STK40: variants seen among roughly 807,000 people sequenced by gnomAD.
The protein encoded by STK40 is serine/threonine kinase 40, also known as serine/threonine-protein kinase 40.
In STK40, 13 loss-of-function variants were observed where a neutral mutation model predicts 47.9. The ratio of observed to expected loss-of-function variants is 0.27; its 90% CI spans 0.18 to 0.43. The LOEUF (loss-of-function observed/expected upper bound fraction) is 0.43, where lower values mean the gene tolerates loss of function less well. Ranked by LOEUF, STK40 falls within the 20% of genes least tolerant of loss-of-function variation. STK40 has a pLI of 1.00. For missense variants in STK40, 460 were observed against 595.1 expected, an observed-to-expected ratio of 0.77 and a Z score of 2.36; for synonymous variants, 225 against 243.2, an observed-to-expected ratio of 0.93 and a Z score of 0.69.
intron 1 of STK40, among the ~76,000 whole-genome samples, chr1:36,379,911 T>C (rs1289047457): frequency 6.6e-6 from 1 of 152,228 alleles, no homozygotes; most frequent in African/African-American, 2.4e-5. Context: ...CAAAATCATA[T>C]GTATGAAGAA....
chr1:36,342,196 C>T (rs1308766531), intron 10 of STK40: 4 of 571,584 alleles, frequency 7.0e-6, no homozygotes, highest in Non-Finnish European at 9.5e-6. Flanking sequence ...CCTGCGGACC[C>T]GGGACTGACG....
chr1:36,358,771 C>T lies in STK40; in HGVS notation c.164G>A (p.Arg55Lys). The T allele has an allele frequency of 6.2e-7, 1 of 1,614,164 alleles. No homozygotes were observed. The highest frequency in any genetic ancestry group is 2.2e-5 in the East Asian group (1 of 44,882). ...PVPSIVQCLA[R>K]KDGTDDFYQL... ...ATAGAAGTCATCCGTGCCATCTTTC[C>T]TCGCCAAACACTGCACTATGCTTGG... Residue 55 changes from arginine (R) to lysine (K), a missense_variant, in exon 3 of 11, where the codon AGG (arginine) becomes AAG (lysine). By Grantham distance (26) the Arg-to-Lys change is conservative (BLOSUM62 2). Around this residue, in one of 3 missense-constraint regions of STK40, gnomAD observed 277 missense variants for 358.7 expected, o/e 0.77. Transcript: ENST00000373132.
At chr1:36,375,452 A>T (rs1646983489) in intron 1 of STK40, among the ~76,000 whole-genome samples, 1 of 151,162 alleles carries the variant, frequency 6.6e-6, no homozygotes, top group Non-Finnish European at 1.5e-5. Flanking sequence ...GGCTGCAGTG[A>T]GCCGAGATCA....
chr1:36,356,796 C>T (rs1646810320), intron 4 of STK40, among the ~76,000 whole-genome samples: 1 of 152,162 alleles, frequency 6.6e-6, no homozygotes, highest in African/African-American at 2.4e-5. Flanking sequence ...GGCACACAAA[C>T]AGTACACTAG....
intron 1 of STK40, among the ~76,000 whole-genome samples, chr1:36,378,290 C>T (rs1647009007): frequency 6.6e-6 from 1 of 152,184 alleles, no homozygotes; most frequent in African/African-American, 2.4e-5. Flanking sequence ...TAGAGTCACA[C>T]AAATGTGAGT....
Position 36,343,812 on chromosome 1 carries a change from G to A in STK40, c.1004+48C>T, listed in dbSNP as rs767623935. The A allele has an allele frequency of 4.6e-6, 7 of 1,530,000 alleles. No homozygotes were observed. In the Admixed American group the frequency reaches 8.4e-5, roughly 18 times the overall value. 94.8% of individuals were successfully genotyped at this position (1,530,000 alleles called of 1,614,324 possible). ...TGCTTTTCTGGGTAGGATGGGCAGA[G>A]GCCCTGAGGACGCAGCCTTGTGCCC... On this transcript the variant is annotated intron_variant, in intron 9 of 10. Coordinates refer to ENST00000373132, the MANE Select transcript of STK40 (RefSeq NM_001282547.2).
chr1:36,346,715 C>T (rs1035459742), intron 7 of STK40, among the ~76,000 whole-genome samples: 1 of 152,184 alleles, frequency 6.6e-6, no homozygotes, highest in Admixed American at 6.5e-5. Flanking sequence ...AAGACTGGCA[C>T]GAGTCTGGAA....
intron 1 of STK40, among the ~76,000 whole-genome samples, chr1:36,380,490 GAGA>G (rs750331044): frequency 1.1e-4 from 16 of 152,146 alleles, no homozygotes; most frequent in Admixed American, 7.2e-4. Flanking sequence ...AGTCCTTCCT[GAGA>G]AGAAGGACTG....
At chr1:36,361,096 G>C (rs1646848102) in intron 2 of STK40, 125 bp downstream of exon 2, 7 of 1,099,138 alleles carry the variant, frequency 6.4e-6, no homozygotes, top group Non-Finnish European at 9.3e-6. Context: ...CTGGGGCAGG[G>C]CAGGACCACA....
intron 1 of STK40, among the ~76,000 whole-genome samples, chr1:36,384,563 C>T (rs1362576000): frequency 6.6e-6 from 1 of 152,184 alleles, no homozygotes; most frequent in Non-Finnish European, 1.5e-5. Flanking sequence ...AAGCAATGTG[C>T]CCAGGTACAC....
intron 8 of STK40, 23 bp downstream of exon 8, chr1:36,344,094 CCCA>C: frequency 6.3e-7 from 1 of 1,585,806 alleles, no homozygotes; most frequent in Non-Finnish European, 8.6e-7. Flanking sequence ...GGCTGCCCCC[CCCA>C]CCCCCCGGGA....
rs1218249699 is a variant in STK40 at position 36,361,126 on chromosome 1, C to T, written c.112+95G>A. 5 of 1,476,776 alleles carry T rather than the reference C, an allele frequency of 3.4e-6. No individual in the cohort carries two copies. The African/African-American group carries it at 6.9e-5, about 20-fold the overall frequency. 91.5% of individuals were successfully genotyped at this position (1,476,776 alleles called of 1,614,324 possible). A position where few individuals can be genotyped will look rare whatever the true frequency, so the allele number is the denominator to read the frequency against. ...ACCACACACTGCTGTGGGTGGGCCA[C>T]CTCACTCTGATGTCTGTAGGTCAGA... On this transcript the variant is annotated intron_variant, in intron 2 of 10. Transcript: ENST00000373132.
At chr1:36,365,796 G>C (rs1037658949) in intron 1 of STK40, among the ~76,000 whole-genome samples, 1 of 152,084 alleles carries the variant, frequency 6.6e-6, no homozygotes, top group African/African-American at 2.4e-5. Flanking sequence ...GTACTTTCCA[G>C]ATTTTGTAAC....
At chr1:36,342,156 C>T in intron 10 of STK40, 183 bp from the exon 11 acceptor site, 1 of 615,438 alleles carries the variant, frequency 1.6e-6, no homozygotes, top group East Asian at 2.8e-5. Flanking sequence ...TGACCCCCTC[C>T]AGCCAACCTC....
chr1:36,357,683 C>G (rs2124736248), intron 4 of STK40, among the ~76,000 whole-genome samples: 1 of 152,338 alleles, frequency 6.6e-6, no homozygotes, highest in Admixed American at 6.5e-5. Flanking sequence ...GTGGCACAAT[C>G]TTGGCTCACT....
At chr1:36,345,991 A>ATATATATATAT in intron 7 of STK40, among the ~76,000 whole-genome samples, 3 of 26,466 alleles carry the variant, frequency 1.1e-4, no homozygotes, top group East Asian at 7.3e-4. Flanking sequence ...ATATATATAT[A>ATATATATATAT]TTTTTTTTTT....
intron 6 of STK40, among the ~76,000 whole-genome samples, chr1:36,350,198 G>A (rs12131443): frequency 0.21 from 31,883 of 152,168 alleles, 3,674 homozygotes; most frequent in Non-Finnish European, 0.27. Context: ...GCCCGCAGGC[G>A]GCTAGAGCCT....
At position 36,341,013 on chromosome 1, in the gene STK40, G is replaced by C. The variant is rs3795500; in HGVS notation, c.*742C>G. On this transcript the variant is annotated 3_prime_UTR_variant, in exon 11 of 11. Transcript: ENST00000373132. ...GGTCTAGAAAGGCCTCCCATCACCG[G>C]CAGCAGAGAGGGACTGGTGGGCTGA... 341 of 152,834 alleles carry C rather than the reference G, an allele frequency of 2.2e-3. 6 individuals carry two copies. The East Asian group carries it at 0.052, about 23-fold the overall frequency. The allele number at this position is 152,834 out of a possible 1,614,324, so 9.5% of individuals were successfully genotyped here. A position where few individuals can be genotyped will look rare whatever the true frequency, so the allele number is the denominator to read the frequency against.
chr1:36,343,262 CTG>C (rs755768610), intron 10 of STK40, 100 bp downstream of exon 10: 17 of 1,286,982 alleles, frequency 1.3e-5, no homozygotes, highest in Non-Finnish European at 1.7e-5. Context: ...CAAGGAAACT[CTG>C]TGGCCTGCGG....
Sources: gnomAD v4.1 joint callset for allele counts (sites outside exome capture counted in the v4.1 genomes callset) on GRCh38, gnomAD v4.1.1 for gene constraint, gnomAD v4.1.1 regional missense constraint, MANE v1.5 for transcripts, NCBI Gene and HGNC (gene_info 2026-07-23, HGNC 2026-07-21) for gene names.